The following TDRD9 variants were observed in gnomAD, a reference collection of about 807,000 sequenced individuals.
TDRD9 encodes ATP-dependent RNA helicase TDRD9.
TDRD9 carries 124 observed loss-of-function variants against 172.6 expected under a neutral mutation model. The ratio of observed to expected loss-of-function variants is 0.72; its 90% CI spans 0.62 to 0.83. TDRD9 has a LOEUF of 0.83. TDRD9 is among the 40% of genes least tolerant of loss of function. TDRD9 has a pLI of 0.00. For synonymous variants in TDRD9, 619 were observed against 617.1 expected, an observed-to-expected ratio of 1.00 and a Z score of -0.05; for missense variants, 1,479 against 1,714.1, an observed-to-expected ratio of 0.86 and a Z score of 2.42.
intron 3 of TDRD9, among the ~76,000 whole-genome samples, chr14:103,964,567 G>A (rs181671605): frequency 2.0e-5 from 3 of 152,084 alleles, no homozygotes; most frequent in South Asian, 2.1e-4. Flanking sequence ...TTGCTCTGTC[G>A]CCAGGCTGGA....
intron 11 of TDRD9, among the ~76,000 whole-genome samples, chr14:103,995,328 A>T (rs1385608307): frequency 6.6e-6 from 1 of 152,146 alleles, no homozygotes; most frequent in Non-Finnish European, 1.5e-5. Context: ...AGGGGGCCTG[A>T]GTTGACAACG....
intron 6 of TDRD9, 147 bp from the exon 7 acceptor site, chr14:103,975,242 C>T (rs968552530): frequency 4.8e-5 from 29 of 602,338 alleles, no homozygotes; most frequent in Non-Finnish European, 6.6e-5. Flanking sequence ...ACAATAATTA[C>T]ACTAGAGATT....
At chr14:104,031,861 C>CT (rs2035293032) in intron 29 of TDRD9, among the ~76,000 whole-genome samples, 156 bp from the exon 30 acceptor site, 1 of 151,942 alleles carries the variant, frequency 6.6e-6, no homozygotes, top group Non-Finnish European at 1.5e-5. Flanking sequence ...AAAATACCTT[C>CT]TTTAAGGCAC....
intron 8 of TDRD9, among the ~76,000 whole-genome samples, chr14:103,987,973 A>G (rs560356989): frequency 1.3e-5 from 2 of 152,238 alleles, no homozygotes; most frequent in South Asian, 4.1e-4. Context: ...TTCCTGATTG[A>G]TTCACCCATT....
At chr14:104,031,428 G>A (rs1233470553) in intron 29 of TDRD9, among the ~76,000 whole-genome samples, 165 bp downstream of exon 29, 1 of 148,920 alleles carries the variant, frequency 6.7e-6, no homozygotes, top group Non-Finnish European at 1.5e-5. Flanking sequence ...AAAACCCTGG[G>A]GTTTAGTGTT....
intron 9 of TDRD9, among the ~76,000 whole-genome samples, chr14:103,993,002 G>A (rs1255690912): frequency 1.3e-5 from 2 of 150,974 alleles, no homozygotes; most frequent in African/African-American, 4.9e-5. Flanking sequence ...AAAGGGTCTT[G>A]CTGTGTTCCC....
Position 103,965,461 on chromosome 14 carries a change from G to A in TDRD9, c.549G>A (p.Val183=), listed in dbSNP as rs2032697172. 11 of 1,550,898 alleles carry A rather than the reference G, an allele frequency of 7.1e-6. No individual in the cohort carries two copies. Among genetic ancestry groups the A allele is most frequent in the African/African-American group, 1.4e-5 (1 of 72,938 alleles). Residue 183 remains valine (V), a synonymous_variant, in exon 4 of 36, where the codon GTG becomes GTA. Transcript: ENST00000409874. ...AGCGCTCCGCCTACTGCAGCATTGTGGTCACCCAGCCCCGGAAGATAGGGG... is the reference window on the plus strand; with the variant it reads ...AGCGCTCCGCCTACTGCAGCATTGTAGTCACCCAGCCCCGGAAGATAGGGG... The part of the protein sequence containing the change: ...YVQRSAYCSI[V]VTQPRKIGAS...
chr14:103,983,757 G>A (rs1250460437), intron 7 of TDRD9, among the ~76,000 whole-genome samples: 1 of 152,202 alleles, frequency 6.6e-6, no homozygotes, highest in African/African-American at 2.4e-5. Flanking sequence ...AAATGTGGAA[G>A]CCACTTTGGA....
intron 22 of TDRD9, among the ~76,000 whole-genome samples, chr14:104,017,891 T>C (rs867739563): frequency 1.3e-5 from 2 of 152,254 alleles, no homozygotes; most frequent in African/African-American, 4.8e-5. Flanking sequence ...TTAGCCTTTA[T>C]TTAACATATT....
chr14:103,939,169 A>G (rs1283053209), intron 1 of TDRD9, among the ~76,000 whole-genome samples: 2 of 152,172 alleles, frequency 1.3e-5, no homozygotes, highest in Non-Finnish European at 2.9e-5. Context: ...GGTGTTGTCC[A>G]GTGGCTGCTT....
chr14:104,004,262 G>A lies in TDRD9; in HGVS notation c.1508G>A (p.Gly503Glu). The change falls in exon 14 of 36, where the codon GGG (glycine) becomes GAG (glutamate). Residue 503 changes from glycine (G) to glutamate (E), a missense_variant. By Grantham distance (98) the Gly-to-Glu change is moderately conservative. Coordinates refer to ENST00000409874, the MANE Select transcript of TDRD9 (RefSeq NM_153046.3). ...RKGRAGRVSR[G>E]YCYRLVHKDF... ...GGCCGTGCTGGACGAGTGTCTAGAGGGTACTGTTACCGGCTGGTACACAAG... is the reference window on the plus strand; with the variant it reads ...GGCCGTGCTGGACGAGTGTCTAGAGAGTACTGTTACCGGCTGGTACACAAG... 1 of 1,601,288 alleles carries A rather than the reference G, an allele frequency of 6.2e-7. No individual in the cohort carries two copies. The highest frequency in any genetic ancestry group is 8.5e-7 in the Non-Finnish European group (1 of 1,170,952).
chr14:104,045,248 C>T lies in TDRD9; in HGVS notation c.3974+3061C>T, dbSNP rs1036322828. 5.9e-5 allele frequency among the ~76,000 whole-genome samples: 9 copies of T among 152,304 alleles called. No homozygotes were observed. In the East Asian group the frequency reaches 1.5e-3, roughly 26 times the overall value. ...TGGCTCTGGCTTCTCCACATTCTCA[C>T]CAGCACGAGGCACCGGCACGTGTTG... On this transcript the variant is annotated intron_variant, in intron 34 of 35. Transcript: ENST00000409874.
chr14:104,025,217 A>G (rs2152243901), intron 25 of TDRD9, among the ~76,000 whole-genome samples: 1 of 152,298 alleles, frequency 6.6e-6, no homozygotes, highest in Middle Eastern at 3.4e-3. Context: ...CCTAATCTCT[A>G]GTGATCTGCC....
intron 32 of TDRD9, among the ~76,000 whole-genome samples, chr14:104,038,476 A>G (rs371669775): frequency 6.6e-5 from 10 of 152,194 alleles, no homozygotes; most frequent in Non-Finnish European, 8.8e-5. Flanking sequence ...TGTGTTCCCA[A>G]TGTTGGGGCC....
chr14:103,984,897 G>A (rs2033606321), intron 7 of TDRD9, among the ~76,000 whole-genome samples: 1 of 152,200 alleles, frequency 6.6e-6, no homozygotes, highest in African/African-American at 2.4e-5. Flanking sequence ...AAGACCATGG[G>A]AACCCAGCTC....
chr14:103,945,748 T>C (rs1453489107), intron 1 of TDRD9, among the ~76,000 whole-genome samples: 1 of 152,192 alleles, frequency 6.6e-6, no homozygotes, highest in African/African-American at 2.4e-5. Context: ...GACCGTATCA[T>C]GCATAATATA....
chr14:104,022,236 C>T lies in TDRD9; in HGVS notation c.2512C>T (p.Gln838Ter), dbSNP rs745981222. 9 of 1,608,606 alleles carry T rather than the reference C, an allele frequency of 5.6e-6. No individual in the cohort carries two copies. Among genetic ancestry groups the T allele is most frequent in the Non-Finnish European group, 7.6e-6 (9 of 1,177,446 alleles). The change falls in exon 24 of 36, where the codon CAA becomes TAA. Residue 838 changes from glutamine (Q) to a stop codon, truncating the protein, a stop_gained. Transcript: ENST00000409874. LOFTEE classifies it high-confidence loss of function. Reference sequence around the variant, plus strand: ...AGTATATATGGCAATTAAGATGTCTCAACTAAAAGTTTCACTTGAACTCAG... The same window carrying T: ...AGTATATATGGCAATTAAGATGTCTTAACTAAAAGTTTCACTTGAACTCAG... ...PAVYMAIKMSQLKVSLELSVH... is the reference protein window; with the variant it reads ...PAVYMAIKMS
Position 104,006,780 on chromosome 14 carries a change from A to T in TDRD9, c.1944-2A>T. 1 of 1,613,640 alleles carries T rather than the reference A, an allele frequency of 6.2e-7. No homozygotes were observed. The highest frequency in any genetic ancestry group is 1.1e-5 in the South Asian group (1 of 90,982). The stretch of plus-strand genomic sequence containing the variant: ...TTGAATGACACTGTTATCTGTTTAT[A>T]GGAACAAAGTGAATTTCTCTGGCAG... On this transcript the variant is annotated splice_acceptor_variant, in intron 17 of 35. Transcript: ENST00000409874. LOFTEE classifies it high-confidence loss of function.
At chr14:103,995,620 C>A in intron 11 of TDRD9, 130 bp from the exon 12 acceptor site, 2 of 782,778 alleles carry the variant, frequency 2.6e-6, no homozygotes, top group Non-Finnish European at 3.9e-6. Flanking sequence ...AGAAAAATGG[C>A]TAATTTTGAA....
Sources: gnomAD v4.1 joint callset for allele counts (sites outside exome capture counted in the v4.1 genomes callset) on GRCh38, gnomAD v4.1.1 for gene constraint, MANE v1.5 for transcripts, NCBI Gene and HGNC (gene_info 2026-07-23, HGNC 2026-07-21) for gene names.